CNTN4: variants seen among roughly 807,000 people sequenced by gnomAD.
The protein encoded by CNTN4 is contactin 4.
Under a neutral mutation model 122.5 loss-of-function variants are expected in CNTN4, and 77 were observed. The observed-to-expected ratio is 0.63, with a 90% CI of 0.52 to 0.76. The LOEUF (loss-of-function observed/expected upper bound fraction) is 0.76, where lower values mean the gene tolerates loss of function less well. CNTN4 is among the 30% of genes least tolerant of loss of function. CNTN4 has a pLI of 0.00. For synonymous variants in CNTN4, 512 were observed against 447.0 expected (o/e 1.15, Z -1.83); for missense variants, 1,256 against 1,259.1 (o/e 1.00, Z 0.04).
chr3:2,819,722 G>A (rs1187100700), intron 7 of CNTN4, 141 bp downstream of exon 7: 9 of 723,482 alleles, frequency 1.2e-5, no homozygotes, highest in South Asian at 4.5e-5. Flanking sequence ...GAAAAACCAC[G>A]GTGAATGCCT....
In CNTN4 at chr3:2,481,930, A is replaced by G. The variant is rs141868365; in HGVS notation, c.-88-89486A>G. ...CCCTGCCATGTGGAACTGTGAGTCAATTAAACTTCTTTTCTTTATAAAATA... is the reference window on the plus strand; with the variant it reads ...CCCTGCCATGTGGAACTGTGAGTCAGTTAAACTTCTTTTCTTTATAAAATA... On this transcript the variant is annotated intron_variant, in intron 3 of 24. Transcript: ENST00000418658. Among the ~76,000 whole-genome samples the G allele has an allele frequency of 7.2e-3, 1,094 of 152,300 alleles. 16 individuals are homozygous for G. Among genetic ancestry groups the G allele is most frequent in the African/African-American group, 0.025 (1,047 of 41,556 alleles).
intron 2 of CNTN4, among the ~76,000 whole-genome samples, chr3:2,227,038 T>A (rs906801200): frequency 6.6e-6 from 1 of 152,178 alleles, no homozygotes; most frequent in African/African-American, 2.4e-5. Context: ...TTTTGCTGTA[T>A]AGAATGTGAT....
At chr3:2,151,480 T>C (rs1022182875) in intron 2 of CNTN4, among the ~76,000 whole-genome samples, 1 of 152,006 alleles carries the variant, frequency 6.6e-6, no homozygotes, top group African/African-American at 2.4e-5. Flanking sequence ...CTGAACACAT[T>C]TCTGTAGCCT....
intron 6 of CNTN4, among the ~76,000 whole-genome samples, chr3:2,817,800 T>C (rs1008959373): frequency 2.6e-5 from 4 of 152,222 alleles, no homozygotes; most frequent in Non-Finnish European, 5.9e-5. Flanking sequence ...CAATTCAGAC[T>C]GATTCAGTGT....
At chr3:2,708,464 C>G (rs1359425219) in intron 4 of CNTN4, among the ~76,000 whole-genome samples, 2 of 152,154 alleles carry the variant, frequency 1.3e-5, no homozygotes, top group Non-Finnish European at 2.9e-5. Flanking sequence ...GATACGTTCT[C>G]TAGATTTTAG....
intron 4 of CNTN4, among the ~76,000 whole-genome samples, chr3:2,645,856 A>G (rs1395981572): frequency 6.6e-6 from 1 of 152,222 alleles, no homozygotes; most frequent in Non-Finnish European, 1.5e-5. Flanking sequence ...CTGACCTTTC[A>G]TGCTTTGAGT....
chr3:2,522,326 C>T (rs1446985721), intron 3 of CNTN4, among the ~76,000 whole-genome samples: 2 of 152,036 alleles, frequency 1.3e-5, no homozygotes, highest in Non-Finnish European at 2.9e-5. Context: ...AAGCTCTATA[C>T]TCAGTATTAA....
intron 2 of CNTN4, among the ~76,000 whole-genome samples, chr3:2,267,144 T>A (rs2041085482): frequency 6.6e-6 from 1 of 152,118 alleles, no homozygotes; most frequent in African/African-American, 2.4e-5. Context: ...CTTTCCTGGC[T>A]TCTGTGCCAA....
intron 3 of CNTN4, among the ~76,000 whole-genome samples, chr3:2,399,128 A>G (rs2046747565): frequency 6.6e-6 from 1 of 152,086 alleles, no homozygotes; most frequent in Non-Finnish European, 1.5e-5. Flanking sequence ...AGAAAAAAAT[A>G]ATATCCTTTA....
intron 13 of CNTN4, among the ~76,000 whole-genome samples, chr3:2,979,210 T>C (rs1577480417): frequency 6.6e-6 from 1 of 152,100 alleles, no homozygotes; most frequent in Non-Finnish European, 1.5e-5. Context: ...TTTTATAAAA[T>C]TGAGGCAGCC....
At chr3:2,371,487 G>C (rs1299071414) in intron 3 of CNTN4, among the ~76,000 whole-genome samples, 1 of 151,718 alleles carries the variant, frequency 6.6e-6, no homozygotes, top group Non-Finnish European at 1.5e-5. Context: ...TCAGCATCTT[G>C]GAATATGATC....
At chr3:2,364,911 CAAGATA>C (rs1325215015) in intron 3 of CNTN4, among the ~76,000 whole-genome samples, 1 of 152,068 alleles carries the variant, frequency 6.6e-6, no homozygotes, top group East Asian at 1.9e-4. Context: ...TCATAGTCCA[CAAGATA>C]ATATTAATAA....
intron 2 of CNTN4, among the ~76,000 whole-genome samples, chr3:2,250,434 C>G (rs548759302): frequency 1.1e-4 from 17 of 151,872 alleles, no homozygotes; most frequent in African/African-American, 3.6e-4. Flanking sequence ...TGCTGTAAGC[C>G]TCTTATTTTT....
rs1475633922 is a variant in CNTN4 at position 2,781,805 on chromosome 3, A to G, written c.358+36108A>G. Among the ~76,000 whole-genome samples, 13 of 128,920 alleles carry G rather than the reference A, an allele frequency of 1.0e-4. No individual in the cohort carries two copies. In the South Asian group the frequency reaches 1.7e-3, roughly 17 times the overall value. The allele number at this position is 128,920 out of a possible 152,430, so 84.6% of individuals were successfully genotyped here. ...AGTAGCGCGATCTCTGCTCACTGCA[A>G]CCTCCGCCTCCCGGGTTCCCGCCAT... is the stretch of plus-strand genomic sequence containing the variant. On this transcript the variant is annotated intron_variant, in intron 6 of 24. Transcript: ENST00000418658.
intron 15 of CNTN4, among the ~76,000 whole-genome samples, chr3:3,028,150 G>T (rs906517384): frequency 6.6e-6 from 1 of 152,142 alleles, no homozygotes; most frequent in Non-Finnish European, 1.5e-5. Context: ...TGGAAATGAT[G>T]CTTGGTATAG....
intron 2 of CNTN4, among the ~76,000 whole-genome samples, chr3:2,227,314 A>T (rs530626119): frequency 2.0e-5 from 3 of 152,182 alleles, no homozygotes; most frequent in African/African-American, 7.2e-5. Flanking sequence ...TGCTAGGTAA[A>T]TAGTTCCAAA....
rs144651525 is a variant in CNTN4, at chr3:2,161,694, C to T, written c.-145+61055C>T. ...ATTGAAATGAGAGGTGAAAAGAGAA[C>T]GCTAAGTACGATGAGGACAGAAGAC... On this transcript the variant is annotated intron_variant, in intron 2 of 24. Coordinates refer to ENST00000418658, the MANE Select transcript of CNTN4 (RefSeq NM_175607.3). Among the ~76,000 whole-genome samples the T allele has an allele frequency of 7.0e-3, 1,071 of 152,122 alleles. 11 individuals are homozygous for T. Among genetic ancestry groups the T allele is most frequent in the African/African-American group, 0.025 (1,023 of 41,488 alleles).
At chr3:2,402,005 T>C (rs1318082702) in intron 3 of CNTN4, among the ~76,000 whole-genome samples, 1 of 152,106 alleles carries the variant, frequency 6.6e-6, no homozygotes, top group Non-Finnish European at 1.5e-5. Context: ...TGGACTGTAG[T>C]CTAATAAAAC....
At chr3:2,419,974 A>T (rs1218647704) in intron 3 of CNTN4, among the ~76,000 whole-genome samples, 1 of 152,116 alleles carries the variant, frequency 6.6e-6, no homozygotes, top group African/African-American at 2.4e-5. Context: ...CCAGGTGTGG[A>T]TGCTGCCAAA....
Sources: gnomAD v4.1 joint callset for allele counts (sites outside exome capture counted in the v4.1 genomes callset) on GRCh38, gnomAD v4.1.1 for gene constraint, MANE v1.5 for transcripts, NCBI Gene and HGNC (gene_info 2026-07-23, HGNC 2026-07-21) for gene names.